Variants in SLC43A1 observed in about 807,000 individuals in gnomAD.
SLC43A1 encodes large neutral amino acids transporter small subunit 3.
SLC43A1 carries 31 observed loss-of-function variants against 59.5 expected under a neutral mutation model. The observed-to-expected ratio is 0.52, with a 90% CI of 0.39 to 0.70. The LOEUF is 0.70. Ranked by LOEUF, SLC43A1 falls within the 30% of genes least tolerant of loss-of-function variation. The pLI, the probability that SLC43A1 is intolerant of heterozygous loss-of-function variation, is 0.00. For synonymous variants in SLC43A1, 259 were observed against 290.9 expected (o/e 0.89, Z 1.12); for missense variants, 598 against 717.8 (o/e 0.83, Z 1.91).
At position 57,501,271 on chromosome 11, in the gene SLC43A1, C is replaced by A. The variant is rs1285212078; in HGVS notation, c.213G>T (p.Gln71His). The change falls in exon 3 of 15, where the codon CAG (glutamine) becomes CAT (histidine). Residue 71 changes from glutamine (Q) to histidine (H), a missense_variant. By Grantham distance (24) the Gln-to-His change is conservative (BLOSUM62 0). Transcript: ENST00000278426. ...DEQRRWPGCD[Q>H]QDEMLNLGFT... Reference sequence around the variant, plus strand: ...AGCCCAGGTTGAGCATCTCGTCCTGCTGGTCACAGCCTGGCCACCTGCGCT... The same window carrying A: ...AGCCCAGGTTGAGCATCTCGTCCTGATGGTCACAGCCTGGCCACCTGCGCT... 1 of 1,612,174 alleles carries A rather than the reference C, an allele frequency of 6.2e-7. No individual in the cohort carries two copies. Among genetic ancestry groups the A allele is most frequent in the Non-Finnish European group, 8.5e-7 (1 of 1,180,024 alleles).
At chr11:57,501,086 C>A (rs756203629) in intron 3 of SLC43A1, 43 bp from the exon 4 acceptor site, 2 of 1,600,494 alleles carry the variant, frequency 1.2e-6, no homozygotes, top group African/African-American at 1.3e-5. Context: ...CCTGTGAGCA[C>A]CCCCCCTCCC....
rs1944188664 is a variant in SLC43A1 at position 57,499,378 on chromosome 11, C to CT, written c.465+1400dup. Among the ~76,000 whole-genome samples the CT allele has an allele frequency of 2.6e-5, 4 of 152,294 alleles. No homozygotes were observed. In the South Asian group the frequency reaches 8.3e-4, roughly 32 times the overall value. On this transcript the variant is annotated intron_variant, in intron 5 of 14. Coordinates refer to ENST00000278426, the MANE Select transcript of SLC43A1 (RefSeq NM_003627.6). Reference sequence around the variant, plus strand: ...ACATATAACTAAATTATCCTTCCCCCTTCCCCTGAAGTGGCTGGCTCAGGA... The same window carrying CT: ...ACATATAACTAAATTATCCTTCCCCCTTTCCCCTGAAGTGGCTGGCTCAGGA...
At chr11:57,506,796 C>T (rs1192498961) in intron 2 of SLC43A1, among the ~76,000 whole-genome samples, 1 of 152,202 alleles carries the variant, frequency 6.6e-6, no homozygotes, top group Admixed American at 6.6e-5. Flanking sequence ...AAAATAATAC[C>T]TGTATCACAG....
chr11:57,499,880 A>G (rs1460240674), intron 5 of SLC43A1, among the ~76,000 whole-genome samples: 1 of 152,080 alleles, frequency 6.6e-6, no homozygotes, highest in Non-Finnish European at 1.5e-5. Flanking sequence ...CAAGTTGCAC[A>G]GCAGGGAGAA....
In SLC43A1 at chr11:57,513,938, C is replaced by CCCCCCCATTTAA; in HGVS notation, c.154+19_154+20insTTAAATGGGGGG. ...TTGCCATCCCTCCCCCCAGCCCACC[C>CCCCCCCATTTAA]AGCCCATTTTCAGGCATACCTGGGC... On this transcript the variant is annotated intron_variant, in intron 2 of 14. Coordinates refer to ENST00000278426, the MANE Select transcript of SLC43A1 (RefSeq NM_003627.6). 1 of 1,311,330 alleles carries CCCCCCCATTTAA rather than the reference C, an allele frequency of 7.6e-7. No homozygotes were observed. 81.2% of individuals were successfully genotyped at this position (1,311,330 alleles called of 1,614,324 possible).
chr11:57,496,005 A>T, intron 7 of SLC43A1, 26 bp downstream of exon 7: 1 of 1,611,964 alleles, frequency 6.2e-7, no homozygotes, highest in East Asian at 2.2e-5. Flanking sequence ...CCCCAGGGAG[A>T]GTCTCTGCCC....
chr11:57,491,886 CCT>C lies in SLC43A1; in HGVS notation c.872-26_872-25del, dbSNP rs781116084. The C allele has an allele frequency of 7.4e-6, 12 of 1,611,496 alleles. No individual in the cohort carries two copies. The East Asian group carries it at 2.7e-4, about 36-fold the overall frequency. ...CCCTGGGGAGACAGCAGGGGGCGCC[CCT>C]GAGCCCCAGACCTTCCACTGCCCTC... is the stretch of plus-strand genomic sequence containing the variant. On this transcript the variant is annotated intron_variant, in intron 8 of 14. Coordinates refer to ENST00000278426, the MANE Select transcript of SLC43A1 (RefSeq NM_003627.6).
chr11:57,499,366 T>C (rs1036936261), intron 5 of SLC43A1, among the ~76,000 whole-genome samples: 2 of 150,802 alleles, frequency 1.3e-5, no homozygotes, highest in Non-Finnish European at 3.0e-5. Flanking sequence ...TATAACTAAA[T>C]TATCCTTCCC....
chr11:57,499,280 C>T (rs527309439), intron 5 of SLC43A1, among the ~76,000 whole-genome samples: 6 of 151,666 alleles, frequency 4.0e-5, no homozygotes, highest in African/African-American at 1.2e-4. Flanking sequence ...GCCGAGATCG[C>T]GCCACTGCAC....
chr11:57,502,698 T>G (rs1374617399), intron 2 of SLC43A1, among the ~76,000 whole-genome samples: 1 of 152,122 alleles, frequency 6.6e-6, no homozygotes, highest in South Asian at 2.1e-4. Context: ...TTGGGAAACC[T>G]TGTCTTTACA....
intron 12 of SLC43A1, 27 bp from the exon 13 acceptor site, chr11:57,489,016 G>A (rs372673734): frequency 1.9e-6 from 3 of 1,605,810 alleles, no homozygotes; most frequent in South Asian, 2.2e-5. Flanking sequence ...AGAGTGAAGA[G>A]GTTAGGAGAG....
chr11:57,508,004 C>G (rs774716642), intron 2 of SLC43A1, among the ~76,000 whole-genome samples: 1 of 152,194 alleles, frequency 6.6e-6, no homozygotes, highest in African/African-American at 2.4e-5. Context: ...CGGTGGCTCA[C>G]GCCTGTAATC....
At chr11:57,489,487 T>C in intron 11 of SLC43A1, 95 bp from the exon 12 acceptor site, 1 of 1,434,714 alleles carries the variant, frequency 7.0e-7, no homozygotes, top group Non-Finnish European at 9.6e-7. Flanking sequence ...GTGCCTTCGA[T>C]GTCAGGGCAG....
At chr11:57,489,632 T>A (rs1943844162) in intron 11 of SLC43A1, among the ~76,000 whole-genome samples, 1 of 152,190 alleles carries the variant, frequency 6.6e-6, no homozygotes, top group South Asian at 2.1e-4. Flanking sequence ...ACATGCAGAT[T>A]CACAGGCCTC....
chr11:57,500,079 C>CCCTAAGCCTTTAACACT (rs1565134589), intron 5 of SLC43A1, among the ~76,000 whole-genome samples: 1 of 152,326 alleles, frequency 6.6e-6, no homozygotes, highest in Non-Finnish European at 1.5e-5. Context: ...CCTCCAACCT[C>CCCTAAGCCTTTAACACT]CCTAAGCCTT....
At chr11:57,502,816 G>A (rs1944299856) in intron 2 of SLC43A1, among the ~76,000 whole-genome samples, 1 of 151,060 alleles carries the variant, frequency 6.6e-6, no homozygotes, top group Non-Finnish European at 1.5e-5. Context: ...CGAGGCTGCA[G>A]TGAGCCATGA....
intron 2 of SLC43A1, among the ~76,000 whole-genome samples, chr11:57,509,371 C>T (rs1283301164): frequency 2.0e-5 from 3 of 151,920 alleles, no homozygotes; most frequent in African/African-American, 7.3e-5. Flanking sequence ...GGGTGGATCA[C>T]GAGGTCAGGA....
intron 2 of SLC43A1, among the ~76,000 whole-genome samples, chr11:57,504,045 A>G (rs986939729): frequency 6.6e-6 from 1 of 152,048 alleles, no homozygotes; most frequent in Non-Finnish European, 1.5e-5. Flanking sequence ...TACAAAAAAA[A>G]AATTAGCCGG....
chr11:57,504,567 A>G (rs1944348434), intron 2 of SLC43A1, among the ~76,000 whole-genome samples: 1 of 152,242 alleles, frequency 6.6e-6, no homozygotes, highest in South Asian at 2.1e-4. Context: ...GGTGAGTACA[A>G]TGGTCCCCAT....
Sources: gnomAD v4.1 joint callset for allele counts (sites outside exome capture counted in the v4.1 genomes callset) on GRCh38, gnomAD v4.1.1 for gene constraint, MANE v1.5 for transcripts, NCBI Gene and HGNC (gene_info 2026-07-23, HGNC 2026-07-21) for gene names.